MYO5A: variants seen among roughly 807,000 people sequenced by gnomAD.
The protein encoded by MYO5A is myosin VA.
MYO5A carries 98 observed loss-of-function variants against 249.7 expected under a neutral mutation model. That is an observed-to-expected ratio of 0.39 (90% CI 0.33 to 0.46). The LOEUF is 0.46. MYO5A is among the 20% of genes least tolerant of loss of function. MYO5A has a pLI of 0.98. For missense variants in MYO5A, 1,696 were observed against 2,308.8 expected (o/e 0.73, Z 5.44); for synonymous variants, 778 against 810.6 (o/e 0.96, Z 0.68).
At chr15:52,507,803 C>CAAAAAAAAAAAAAAAAAAAAAAAAA (rs146846192) in intron 1 of MYO5A, among the ~76,000 whole-genome samples, 3 of 127,212 alleles carry the variant, frequency 2.4e-5, no homozygotes, top group Non-Finnish European at 4.9e-5. Context: ...GACCCTGTCC[C>CAAAAAAAAAAAAAAAAAAAAAAAAA]CAAAAAAAAA....
intron 34 of MYO5A, 41 bp from the exon 35 acceptor site, chr15:52,330,540 A>G: frequency 1.9e-6 from 3 of 1,611,612 alleles, no homozygotes; most frequent in Non-Finnish European, 2.5e-6. Flanking sequence ...TGTTTTCCAT[A>G]TAAAAAACAT....
chr15:52,368,928 G>A (rs1263788842), intron 22 of MYO5A, among the ~76,000 whole-genome samples: 1 of 152,172 alleles, frequency 6.6e-6, no homozygotes, highest in African/African-American at 2.4e-5. Context: ...ATCCGAAGCT[G>A]GAAAGCTTCC....
chr15:52,416,359 T>C (rs2043484934), intron 4 of MYO5A, 58 bp from the exon 5 acceptor site: 7 of 1,554,702 alleles, frequency 4.5e-6, no homozygotes, highest in Admixed American at 1.7e-5. Flanking sequence ...GCAGGATTGA[T>C]AAGGGAAACT....
chr15:52,346,742 G>A, intron 29 of MYO5A: 1 of 460,836 alleles, frequency 2.2e-6, no homozygotes, highest in Non-Finnish European at 4.1e-6. Context: ...ATCACTGATG[G>A]GCCATATATG....
chr15:52,315,839 A>G (rs8023623), intron 40 of MYO5A, among the ~76,000 whole-genome samples: 13,106 of 151,874 alleles, frequency 0.086, 1,739 homozygotes, highest in African/African-American at 0.29. Flanking sequence ...TTTAGTAGAG[A>G]TGGGGTTTCA....
chr15:52,352,555 T>G (rs28532168), intron 27 of MYO5A, among the ~76,000 whole-genome samples: 14,836 of 152,038 alleles, frequency 0.098, 2,247 homozygotes, highest in African/African-American at 0.33. Context: ...GCCGAGACAG[T>G]TGGATCACGA....
chr15:52,370,974 A>ATGGT (rs1209313198), intron 21 of MYO5A, among the ~76,000 whole-genome samples: 1 of 151,968 alleles, frequency 6.6e-6, no homozygotes, highest in Non-Finnish European at 1.5e-5. Context: ...TTAGCTAGAC[A>ATGGT]TGGTGGTGTG....
rs779047860 is a variant in MYO5A, at chr15:52,425,902, C to T, written c.383G>A (p.Ser128Asn). Residue 128 changes from serine (S) to asparagine (N), a missense_variant, in exon 4 of 42, where the codon AGT becomes AAT. Physicochemically the swap from Ser to Asn is conservative, Grantham distance 46. Around this residue, in one of 5 missense-constraint regions of MYO5A, gnomAD observed 197 missense variants for 320.3 expected, o/e 0.62. Coordinates refer to ENST00000399233, the MANE Select transcript of MYO5A (RefSeq NM_001382347.1). ...IYGEDIINAY[S>N]GQNMGDMDPH... ...ATCCATATCACCCATGTTCTGACCACTGTATGCATTAATAATATCTTCTCC... is the reference window on the plus strand; with the variant it reads ...ATCCATATCACCCATGTTCTGACCATTGTATGCATTAATAATATCTTCTCC... 1.2e-6 allele frequency: 2 copies of T among 1,613,528 alleles called. No homozygotes were observed. Among genetic ancestry groups the T allele is most frequent in the East Asian group, 2.2e-5 (1 of 44,860 alleles).
chr15:52,472,084 T>C (rs1320204931), intron 1 of MYO5A, among the ~76,000 whole-genome samples: 3 of 151,544 alleles, frequency 2.0e-5, no homozygotes, highest in African/African-American at 4.8e-5. Context: ...CCTGACATTT[T>C]TTTTTTTTTT....
chr15:52,526,736 G>A (rs1461992447), intron 1 of MYO5A, among the ~76,000 whole-genome samples: 1 of 152,116 alleles, frequency 6.6e-6, no homozygotes, highest in African/African-American at 2.4e-5. Context: ...AATAGATTGT[G>A]ATAAAGCTGT....
chr15:52,442,354 G>A (rs2141341691), intron 1 of MYO5A, among the ~76,000 whole-genome samples: 1 of 152,280 alleles, frequency 6.6e-6, no homozygotes, highest in South Asian at 2.1e-4. Flanking sequence ...ACAGTAAAAT[G>A]GGTGTAAGAG....
intron 30 of MYO5A, among the ~76,000 whole-genome samples, chr15:52,345,454 G>A (rs1042304928): frequency 9.9e-5 from 15 of 151,832 alleles, no homozygotes; most frequent in African/African-American, 3.6e-4. Flanking sequence ...GTGTGGTGGT[G>A]GGCACCTATA....
chr15:52,380,090 T>G (rs2041653659), intron 16 of MYO5A, among the ~76,000 whole-genome samples, 182 bp from the exon 17 acceptor site: 1 of 152,140 alleles, frequency 6.6e-6, no homozygotes, highest in Non-Finnish European at 1.5e-5. Context: ...GAGGAGATGA[T>G]AAGCAGTAAA....
At position 52,394,408 on chromosome 15, in the gene MYO5A, C is replaced by T. The variant is rs140356202; in HGVS notation, c.1401+1908G>A. On this transcript the variant is annotated intron_variant, in intron 11 of 41. Coordinates refer to ENST00000399233, the MANE Select transcript of MYO5A (RefSeq NM_001382347.1). ...GAAGCCAAAATGAATGGGAGATAAG[C>T]AAGTTAAGAGGACGAGCAGAGCATT... 5.5e-3 allele frequency among the ~76,000 whole-genome samples: 831 copies of T among 152,232 alleles called. 9 individuals carry two copies. The highest frequency in any genetic ancestry group is 0.019 in the African/African-American group (798 of 41,530).
chr15:52,362,194 CCATGTATCA>C (rs1311169854), intron 24 of MYO5A, among the ~76,000 whole-genome samples: 1 of 152,182 alleles, frequency 6.6e-6, no homozygotes, highest in African/African-American at 2.4e-5. Context: ...GTTCTTTGGC[CCATGTATCA>C]CATAGGTTAT....
intron 1 of MYO5A, among the ~76,000 whole-genome samples, chr15:52,507,343 T>A (rs537973851): frequency 6.6e-6 from 1 of 152,208 alleles, no homozygotes; most frequent in Admixed American, 6.5e-5. Flanking sequence ...AGAATGTTGA[T>A]GATGGAAACA....
chr15:52,382,582 A>C (rs1359996247), intron 16 of MYO5A, among the ~76,000 whole-genome samples: 1 of 152,222 alleles, frequency 6.6e-6, no homozygotes, highest in Non-Finnish European at 1.5e-5. Flanking sequence ...AAAATAAATA[A>C]ATACATACAT....
At chr15:52,384,571 T>C (rs2041897317) in intron 14 of MYO5A, among the ~76,000 whole-genome samples, 1 of 152,200 alleles carries the variant, frequency 6.6e-6, no homozygotes, top group South Asian at 2.1e-4. Context: ...TCAAAACTAC[T>C]GCACCCGGAC....
At chr15:52,321,688 C>T (rs962961926) in intron 37 of MYO5A, among the ~76,000 whole-genome samples, 179 bp from the exon 38 acceptor site, 1 of 151,812 alleles carries the variant, frequency 6.6e-6, no homozygotes, top group Non-Finnish European at 1.5e-5. Flanking sequence ...CCATCATAAC[C>T]CCCTCCAGTT....
Sources: gnomAD v4.1 joint callset for allele counts (sites outside exome capture counted in the v4.1 genomes callset) on GRCh38, gnomAD v4.1.1 for gene constraint, gnomAD v4.1.1 regional missense constraint, MANE v1.5 for transcripts, NCBI Gene and HGNC (gene_info 2026-07-23, HGNC 2026-07-21) for gene names.